RGS9: variants seen among roughly 807,000 people sequenced by gnomAD.
RGS9 encodes regulator of G-protein signalling 9.
Under a neutral mutation model 102.0 loss-of-function variants are expected in RGS9, and 78 were observed. The observed-to-expected ratio is 0.76, with a 90% CI of 0.64 to 0.92. The LOEUF is 0.92. Ranked by LOEUF, RGS9 falls within the 40% of genes least tolerant of loss-of-function variation. The pLI is 0.00. For synonymous variants in RGS9, 353 were observed against 318.6 expected (o/e 1.11, Z -1.15); for missense variants, 833 against 866.1 (o/e 0.96, Z 0.48).
At chr17:65,190,046 G>A (rs1912305007) in intron 10 of RGS9, 129 bp from the exon 11 acceptor site, 1 of 792,600 alleles carries the variant, frequency 1.3e-6, no homozygotes, top group African/African-American at 1.7e-5. Flanking sequence ...CTGGTACTGA[G>A]GGGGCTGGCT....
At chr17:65,222,343 C>A (rs1913730349) in intron 17 of RGS9, among the ~76,000 whole-genome samples, 1 of 152,206 alleles carries the variant, frequency 6.6e-6, no homozygotes, top group South Asian at 2.1e-4. Flanking sequence ...CCAGACACTC[C>A]CCCTTTTTAA....
chr17:65,217,878 G>T (rs536806935), intron 17 of RGS9, among the ~76,000 whole-genome samples: 2 of 152,300 alleles, frequency 1.3e-5, no homozygotes, highest in East Asian at 3.9e-4. Flanking sequence ...GGAAGCTGAA[G>T]GCTAAGTTAA....
At chr17:65,189,153 GA>G in intron 9 of RGS9, 132 bp from the exon 10 acceptor site, 1 of 729,546 alleles carries the variant, frequency 1.4e-6, no homozygotes, top group Non-Finnish European at 2.5e-6. Context: ...TAGACATGGA[GA>G]AATCCTATCT....
chr17:65,196,360 GA>G (rs1483711815), intron 12 of RGS9, among the ~76,000 whole-genome samples: 1 of 152,202 alleles, frequency 6.6e-6, no homozygotes, highest in Non-Finnish European at 1.5e-5. Context: ...ACATCAGTGG[GA>G]AAAATGGTGT....
At chr17:65,218,119 C>T (rs1913578909) in intron 17 of RGS9, among the ~76,000 whole-genome samples, 1 of 152,126 alleles carries the variant, frequency 6.6e-6, no homozygotes, top group African/African-American at 2.4e-5. Flanking sequence ...GTCTCCTCTC[C>T]TTATATGGAA....
At chr17:65,143,252 C>A (rs990132277) in intron 1 of RGS9, among the ~76,000 whole-genome samples, 3 of 152,060 alleles carry the variant, frequency 2.0e-5, no homozygotes, top group Non-Finnish European at 4.4e-5. Flanking sequence ...CTCACCAACC[C>A]CCAAAGAATG....
rs557511016 is a variant in RGS9, at chr17:65,160,581, G to C, written c.358G>C (p.Asp120His). 3.1e-6 allele frequency: 5 copies of C among 1,614,130 alleles called. No homozygotes were observed. The Admixed American group carries it at 8.3e-5, about 27-fold the overall frequency. Residue 120 changes from aspartate (D) to histidine (H), a missense_variant, in exon 5 of 19, where the codon GAT becomes CAT. Physicochemically the swap from Asp to His is moderately conservative, Grantham distance 81 (BLOSUM62 -1). Transcript: ENST00000262406. ...PTQQWPAEDT[D>H]YAIYLAKRNI... Reference sequence around the variant, plus strand: ...CCAGCAGTGGCCAGCTGAAGATACCGATTACGGTAAATACTTCAGCCCCAA... The same window carrying C: ...CCAGCAGTGGCCAGCTGAAGATACCCATTACGGTAAATACTTCAGCCCCAA...
rs1555617643 is a variant in RGS9 at position 65,215,497 on chromosome 17, G to GTTCTTTCGTTCTTTCT, written c.1407+4899_1407+4900insGTTCTTTCTTTCTTTC. On this transcript the variant is annotated intron_variant, in intron 17 of 18. Coordinates refer to ENST00000262406, the MANE Select transcript of RGS9 (RefSeq NM_003835.4). ...TTCTCTATCTTTCTTTCGTTCTTTC[G>GTTCTTTCGTTCTTTCT]TTCTTTCTTTCTTTCTTTCTTTCTT... Among the ~76,000 whole-genome samples, 9 of 133,648 alleles carry GTTCTTTCGTTCTTTCT rather than the reference G, an allele frequency of 6.7e-5. No individual in the cohort carries two copies. The East Asian group carries it at 9.1e-4, about 14-fold the overall frequency. The allele number at this position is 133,648 out of a possible 152,430, so 87.7% of individuals were successfully genotyped here.
At chr17:65,191,326 A>G (rs1912357168) in intron 11 of RGS9, among the ~76,000 whole-genome samples, 1 of 151,578 alleles carries the variant, frequency 6.6e-6, no homozygotes, top group Non-Finnish European at 1.5e-5. Context: ...GGACCTCATT[A>G]CCGTAATTTT....
intron 1 of RGS9, among the ~76,000 whole-genome samples, chr17:65,141,615 CT>C (rs1415773519): frequency 6.6e-6 from 1 of 152,146 alleles, no homozygotes; most frequent in African/African-American, 2.4e-5. Flanking sequence ...AGCTTAGAGT[CT>C]AGTGGAGAAA....
intron 11 of RGS9, among the ~76,000 whole-genome samples, chr17:65,193,137 G>A (rs79774695): frequency 6.6e-6 from 1 of 150,922 alleles, no homozygotes; most frequent in African/African-American, 2.4e-5. Context: ...CTGGCCTGGT[G>A]GTGCGCGTCT....
chr17:65,182,789 G>A (rs528892251), intron 9 of RGS9, among the ~76,000 whole-genome samples: 19 of 152,220 alleles, frequency 1.2e-4, no homozygotes, highest in East Asian at 1.9e-4. Flanking sequence ...ACCCAGGGCC[G>A]GCTTCATGGG....
chr17:65,139,815 G>A (rs1910087594), intron 1 of RGS9, among the ~76,000 whole-genome samples: 1 of 152,166 alleles, frequency 6.6e-6, no homozygotes, highest in Admixed American at 6.5e-5. Flanking sequence ...GTATGTATTG[G>A]TCATGTCACA....
intron 1 of RGS9, among the ~76,000 whole-genome samples, chr17:65,139,309 C>T (rs1910061910): frequency 6.6e-6 from 1 of 150,426 alleles, no homozygotes; most frequent in African/African-American, 2.5e-5. Context: ...AGCTTTCCTA[C>T]ACACACTGTT....
Position 65,225,174 on chromosome 17 carries a change from G to C in RGS9, c.1580G>C (p.Arg527Thr), listed in dbSNP as rs756818318. The C allele has an allele frequency of 6.2e-6, 10 of 1,613,506 alleles. No homozygotes were observed. The highest frequency in any genetic ancestry group is 8.5e-6 in the Non-Finnish European group (10 of 1,180,034). ...ACCACCATCTGCCCCTCACCCATCA[G>C]AGTGGCCTTGGAGAGCTCATCGGGC... ...PSTTICPSPI[R>T]VALESSSGLE... The change falls in exon 18 of 19, where the codon AGA becomes ACA. Residue 527 changes from arginine (R) to threonine (T), a missense_variant. By Grantham distance (71) the Arg-to-Thr change is moderately conservative. Coordinates refer to ENST00000262406, the MANE Select transcript of RGS9 (RefSeq NM_003835.4).
intron 1 of RGS9, 67 bp downstream of exon 1, chr17:65,137,664 G>A: frequency 6.6e-7 from 1 of 1,520,916 alleles, no homozygotes; most frequent in Admixed American, 1.7e-5. Context: ...AGCGTCCGAG[G>A]ACAAGAGGGG....
Position 65,215,474 on chromosome 17 carries a change from C to T in RGS9, c.1407+4869C>T, listed in dbSNP as rs115690688. 6.3e-3 allele frequency among the ~76,000 whole-genome samples: 867 copies of T among 136,808 alleles called. 15 individuals carry two copies. The highest frequency in any genetic ancestry group is 0.027 in the African/African-American group (813 of 30,640). 89.8% of individuals were successfully genotyped at this position (136,808 alleles called of 152,430 possible). On this transcript the variant is annotated intron_variant, in intron 17 of 18. Transcript: ENST00000262406. ...GGAGTTTCTCTTTCTTTCTTTCTTT[C>T]TCTATCTTTCTTTCGTTCTTTCGTT...
At chr17:65,220,425 G>A (rs7217299) in intron 17 of RGS9, among the ~76,000 whole-genome samples, 98 of 152,328 alleles carry the variant, frequency 6.4e-4, no homozygotes, top group African/African-American at 2.3e-3. Flanking sequence ...CTGTAGTCTG[G>A]AGTTTCATGG....
chr17:65,205,118 AT>A (rs1407557347), intron 15 of RGS9, among the ~76,000 whole-genome samples: 1 of 152,214 alleles, frequency 6.6e-6, no homozygotes, highest in Non-Finnish European at 1.5e-5. Flanking sequence ...TTAAAAAAAA[AT>A]ATGTGAAGGG....
Sources: gnomAD v4.1 joint callset for allele counts (sites outside exome capture counted in the v4.1 genomes callset) on GRCh38, gnomAD v4.1.1 for gene constraint, MANE v1.5 for transcripts, NCBI Gene and HGNC (gene_info 2026-07-23, HGNC 2026-07-21) for gene names.